The following IRAK1BP1 variants were observed in gnomAD, a reference collection of about 807,000 sequenced individuals.
IRAK1BP1 encodes interleukin-1 receptor-associated kinase 1-binding protein 1.
A neutral mutation model predicts 28.0 loss-of-function variants in IRAK1BP1; 24 were observed. The observed-to-expected ratio is 0.86, with a 90% CI of 0.62 to 1.20. The LOEUF (loss-of-function observed/expected upper bound fraction) is 1.20, where lower values mean the gene tolerates loss of function less well. Among genes scored for constraint, IRAK1BP1 ranks in the 50% most tolerant of loss-of-function variants. The pLI is 0.00. For synonymous variants in IRAK1BP1, 131 were observed against 116.3 expected, an observed-to-expected ratio of 1.13 and a Z score of -0.81; for missense variants, 336 against 316.7, an observed-to-expected ratio of 1.06 and a Z score of -0.46.
intron 1 of IRAK1BP1, among the ~76,000 whole-genome samples, 174 bp from the exon 2 acceptor site, chr6:78,885,204 C>A (rs1298599601): frequency 6.6e-6 from 1 of 151,980 alleles, no homozygotes; most frequent in Admixed American, 6.6e-5. Flanking sequence ...TAAGCAAAAT[C>A]AATTTCTGAA....
chr6:78,878,653 A>G (rs1424489696), intron 1 of IRAK1BP1, among the ~76,000 whole-genome samples: 2 of 152,234 alleles, frequency 1.3e-5, no homozygotes, highest in Non-Finnish European at 2.9e-5. Context: ...AATGACTTTG[A>G]CAAGTTGAGA....
At chr6:78,911,058 G>A (rs948792708) in intron 4 of IRAK1BP1, among the ~76,000 whole-genome samples, 1 of 152,176 alleles carries the variant, frequency 6.6e-6, no homozygotes, top group Non-Finnish European at 1.5e-5. Context: ...GGGTCGGGAT[G>A]GCCTTCGTGT....
downstream of IRAK1BP1, among the ~76,000 whole-genome samples, chr6:78,904,561 C>T (rs192238261): frequency 1.5e-3 from 224 of 152,280 alleles, no homozygotes; most frequent in African/African-American, 5.0e-3. Flanking sequence ...TTTAGAAAAT[C>T]ATATTTGTAT....
intron 2 of IRAK1BP1, among the ~76,000 whole-genome samples, chr6:78,896,346 A>AC (rs1212214890): frequency 1.3e-5 from 2 of 152,008 alleles, no homozygotes; most frequent in Non-Finnish European, 2.9e-5. Context: ...AAAAAAAAAA[A>AC]AACAACCTGT....
chr6:78,958,726 A>G, the IRAK1BP1 span: 1 of 658,400 alleles, frequency 1.5e-6, no homozygotes. Context: ...CATTGGTCTT[A>G]TAAAGTCATT....
chr6:78,922,354 A>C (rs908462002), intron 4 of IRAK1BP1, among the ~76,000 whole-genome samples: 13 of 152,198 alleles, frequency 8.5e-5, no homozygotes, highest in African/African-American at 3.1e-4. Flanking sequence ...TGAAATGAAG[A>C]GAGAAGAGAA....
At chr6:78,948,180 A>C (rs1773932076), downstream of IRAK1BP1, among the ~76,000 whole-genome samples, 1 of 152,228 alleles carries the variant, frequency 6.6e-6, no homozygotes, top group South Asian at 2.1e-4. Flanking sequence ...AACTTTAAGG[A>C]AATAAAAACA....
intron 4 of IRAK1BP1, chr6:78,935,945 CAT>C (rs1478983551): frequency 6.4e-6 from 1 of 156,060 alleles, no homozygotes; most frequent in African/African-American, 2.4e-5. Flanking sequence ...TATTCTTACA[CAT>C]ACATTCTAGT....
chr6:78,961,808 T>C, the IRAK1BP1 span: 8 of 1,603,154 alleles, frequency 5.0e-6, no homozygotes, highest in African/African-American at 2.7e-5. Context: ...GCTGAGGCAA[T>C]ATCTAAAATA....
At chr6:78,879,096 C>T (rs1369488091) in intron 1 of IRAK1BP1, among the ~76,000 whole-genome samples, 1 of 152,120 alleles carries the variant, frequency 6.6e-6, no homozygotes, top group East Asian at 1.9e-4. Context: ...AGGAGAACTT[C>T]CCCAACCTAG....
rs906864345 is a variant in IRAK1BP1 at position 78,885,443 on chromosome 6, G to C, written c.381G>C (p.Glu127Asp). Reference protein sequence around the residue: ...RVENAYHMEAEVCITFTEFGK... With the variant: ...RVENAYHMEADVCITFTEFGK... ...AAAATGCTTATCACATGGAAGCAGA[G>C]GTATGTACTTAACAAATAATTGGAA... Residue 127 changes from glutamate (E) to aspartate (D), a missense_variant and splice_region_variant, in exon 2 of 4, where the codon GAG (glutamate) becomes GAC (aspartate). Physicochemically the swap from Glu to Asp is conservative, Grantham distance 45 (BLOSUM62 2). Transcript: ENST00000369940. 2 of 1,380,602 alleles carry C rather than the reference G, an allele frequency of 1.4e-6. No homozygotes were observed. The highest frequency in any genetic ancestry group is 1.9e-6 in the Non-Finnish European group (2 of 1,037,092). 85.5% of individuals were successfully genotyped at this position (1,380,602 alleles called of 1,614,324 possible). A position where few individuals can be genotyped will look rare whatever the true frequency, so the allele number is the denominator to read the frequency against.
At chr6:78,873,323 GT>G (rs1182701614) in intron 1 of IRAK1BP1, among the ~76,000 whole-genome samples, 9 of 144,400 alleles carry the variant, frequency 6.2e-5, no homozygotes, top group African/African-American at 1.8e-4. Flanking sequence ...AATTTTCTCA[GT>G]TTTTTATTTG....
At chr6:78,965,790 T>TA in the IRAK1BP1 span, 1 of 1,329,944 alleles carries the variant, frequency 7.5e-7, no homozygotes, top group Non-Finnish European at 1.1e-6. Context: ...ATCATTATAT[T>TA]AAAAAATCTA....
At chr6:78,950,247 T>C (rs1271832809), downstream of IRAK1BP1, among the ~76,000 whole-genome samples, 1 of 152,222 alleles carries the variant, frequency 6.6e-6, no homozygotes, top group East Asian at 1.9e-4. Context: ...TTGGTCATGG[T>C]ATAAAATCAT....
At chr6:78,933,476 A>G (rs1166403192) in intron 4 of IRAK1BP1, among the ~76,000 whole-genome samples, 3 of 152,036 alleles carry the variant, frequency 2.0e-5, no homozygotes, top group East Asian at 1.9e-4. Context: ...TTAGCCAGGC[A>G]TGGTGGCAGG....
rs1266123086 is a variant in IRAK1BP1 at position 78,902,205 on chromosome 6, A to AATCATAGCTT, written c.*3873_*3882dup. 6.6e-6 allele frequency: 1 copy of AATCATAGCTT among 152,240 alleles called. No homozygotes were observed. The highest frequency in any genetic ancestry group is 1.5e-5 in the Non-Finnish European group (1 of 68,060). 9.4% of individuals were successfully genotyped at this position (152,240 alleles called of 1,614,324 possible). A position where few individuals can be genotyped will look rare whatever the true frequency, so the allele number is the denominator to read the frequency against. ...ACCCAGGATGGAGTGCAAGTAGCTC[A>AATCATAGCTT]ATCATAGCTTACTGCAGCCTAAAAA... On this transcript the variant is annotated 3_prime_UTR_variant, in exon 4 of 4. Transcript: ENST00000369940.
At chr6:78,909,545 A>G (rs780407399) in intron 4 of IRAK1BP1, among the ~76,000 whole-genome samples, 3 of 152,212 alleles carry the variant, frequency 2.0e-5, no homozygotes, top group Admixed American at 6.5e-5. Context: ...AAGCTGGGCT[A>G]TTTAAGGGCA....
chr6:78,886,751 T>TC (rs1157205234), intron 2 of IRAK1BP1, among the ~76,000 whole-genome samples: 1 of 152,212 alleles, frequency 6.6e-6, no homozygotes, highest in East Asian at 1.9e-4. Flanking sequence ...CACTGAGTTG[T>TC]CCTAGGAACT....
At chr6:78,939,092 T>TG (rs1156600356) in intron 4 of IRAK1BP1, 8 of 151,716 alleles carry the variant, frequency 5.3e-5, no homozygotes, top group Non-Finnish European at 1.2e-4. Flanking sequence ...TTTAAAAAAA[T>TG]GGACAGTAAT....
Sources: gnomAD v4.1 joint callset for allele counts (sites outside exome capture counted in the v4.1 genomes callset) on GRCh38, gnomAD v4.1.1 for gene constraint, MANE v1.5 for transcripts, NCBI Gene and HGNC (gene_info 2026-07-23, HGNC 2026-07-21) for gene names.